EBF1: variants seen among roughly 807,000 people sequenced by gnomAD.
EBF1 encodes the protein transcription factor COE1.
Under a neutral mutation model 68.4 loss-of-function variants are expected in EBF1, and 10 were observed. The observed-to-expected ratio is 0.15, with a 90% CI of 0.09 to 0.25. EBF1 has a LOEUF of 0.25. EBF1 is among the 10% of genes least tolerant of loss of function. EBF1 has a pLI of 1.00. For synonymous variants in EBF1, 298 were observed against 299.8 expected, an observed-to-expected ratio of 0.99 and a Z score of 0.06; for missense variants, 509 against 794.4, an observed-to-expected ratio of 0.64 and a Z score of 4.32.
chr5:158,972,960 G>GCCAACCTAT (rs1394353703), intron 6 of EBF1, among the ~76,000 whole-genome samples: 3 of 152,198 alleles, frequency 2.0e-5, no homozygotes, highest in Admixed American at 6.5e-5. Flanking sequence ...TGGCTCAAAA[G>GCCAACCTAT]CCAACCTATC....
intron 6 of EBF1, among the ~76,000 whole-genome samples, chr5:159,050,813 G>A (rs1352690336): frequency 6.6e-6 from 1 of 152,212 alleles, no homozygotes; most frequent in Non-Finnish European, 1.5e-5. Flanking sequence ...CTCCCGGAGG[G>A]AGTAGTGGGT....
chr5:158,720,639 C>G (rs548306018), intron 11 of EBF1, among the ~76,000 whole-genome samples: 93 of 152,226 alleles, frequency 6.1e-4, no homozygotes, highest in Non-Finnish European at 1.0e-3. Flanking sequence ...TCATTAGAAG[C>G]CTTTAGTGTC....
At chr5:158,771,690 TG>T (rs1220438427) in intron 10 of EBF1, among the ~76,000 whole-genome samples, 4 of 152,100 alleles carry the variant, frequency 2.6e-5, no homozygotes, top group Non-Finnish European at 5.9e-5. Context: ...GAATGATGAA[TG>T]GGATGGTTTT....
intron 14 of EBF1, among the ~76,000 whole-genome samples, chr5:158,710,149 T>A (rs1334169090): frequency 1.3e-5 from 2 of 152,320 alleles, no homozygotes; most frequent in South Asian, 2.1e-4. Context: ...CTGGGCTTTG[T>A]GTTTATTGTT....
intron 15 of EBF1, among the ~76,000 whole-genome samples, chr5:158,700,602 C>T (rs542905172): frequency 5.9e-5 from 9 of 151,778 alleles, no homozygotes; most frequent in South Asian, 2.1e-4. Context: ...AAGACCCCCA[C>T]GTTCCTCCGG....
intron 6 of EBF1, among the ~76,000 whole-genome samples, chr5:158,861,602 G>A (rs1794967429): frequency 6.6e-6 from 1 of 152,186 alleles, no homozygotes; most frequent in South Asian, 2.1e-4. Context: ...TGAGAGAAAT[G>A]TCCGGAATTA....
At chr5:159,045,439 A>AG (rs1554119430) in intron 6 of EBF1, among the ~76,000 whole-genome samples, 3,241 of 88,904 alleles carry the variant, frequency 0.036, 108 homozygotes, top group African/African-American at 0.12. Flanking sequence ...AAGAAGAAGA[A>AG]AAAAAAAAGA....
chr5:158,914,892 G>A (rs964897760), intron 6 of EBF1, among the ~76,000 whole-genome samples: 1 of 152,148 alleles, frequency 6.6e-6, no homozygotes, highest in Non-Finnish European at 1.5e-5. Context: ...CTTAATGGAC[G>A]ACCCTCTCCA....
intron 6 of EBF1, among the ~76,000 whole-genome samples, chr5:158,840,906 C>T (rs1582439793): frequency 6.6e-6 from 1 of 151,496 alleles, no homozygotes. Context: ...CTCCTGACCT[C>T]GTGATCCGCC....
chr5:159,052,016 A>AT (rs397753115), intron 6 of EBF1, among the ~76,000 whole-genome samples: 1 of 123,022 alleles, frequency 8.1e-6, no homozygotes, highest in Non-Finnish European at 1.8e-5. Context: ...ACGCAAAAAA[A>AT]TTATTATTAT....
chr5:158,867,576 G>A (rs555536057), intron 6 of EBF1, among the ~76,000 whole-genome samples: 2 of 152,134 alleles, frequency 1.3e-5, no homozygotes, highest in African/African-American at 4.8e-5. Context: ...GGCAAAGAAG[G>A]CCTGAGATTT....
intron 6 of EBF1, among the ~76,000 whole-genome samples, chr5:158,925,665 G>A (rs905140637): frequency 5.9e-5 from 9 of 152,142 alleles, no homozygotes; most frequent in Non-Finnish European, 8.8e-5. Flanking sequence ...AGAAACCAGG[G>A]CCCCAACATC....
chr5:158,854,045 C>T (rs942230934), intron 6 of EBF1, among the ~76,000 whole-genome samples: 1 of 152,186 alleles, frequency 6.6e-6, no homozygotes, highest in Non-Finnish European at 1.5e-5. Flanking sequence ...TGTTGTCAGA[C>T]CCTCCTATTT....
chr5:159,067,081 G>A (rs954789295), intron 6 of EBF1, among the ~76,000 whole-genome samples: 6 of 152,056 alleles, frequency 3.9e-5, no homozygotes, highest in Non-Finnish European at 5.9e-5. Context: ...AGAGTTAACC[G>A]GGTGCTGGCA....
chr5:158,894,343 G>A (rs964619242), intron 6 of EBF1, among the ~76,000 whole-genome samples: 2 of 150,882 alleles, frequency 1.3e-5, no homozygotes, highest in African/African-American at 4.9e-5. Context: ...TTTTTCTTTG[G>A]TTCTTAAAAA....
At chr5:159,073,305 G>T in intron 6 of EBF1, 91 bp downstream of exon 6, 1 of 1,350,268 alleles carries the variant, frequency 7.4e-7, no homozygotes, top group South Asian at 1.2e-5. Context: ...TCAGCCACAT[G>T]CATTCCTAAC....
chr5:158,899,743 G>A (rs546770542), intron 6 of EBF1, among the ~76,000 whole-genome samples: 8 of 152,206 alleles, frequency 5.3e-5, no homozygotes, highest in South Asian at 2.1e-4. Context: ...TATTTAGACC[G>A]AAGGAAAATG....
At chr5:158,864,288 G>A (rs1795481283) in intron 6 of EBF1, among the ~76,000 whole-genome samples, 1 of 141,018 alleles carries the variant, frequency 7.1e-6, no homozygotes, top group African/African-American at 2.6e-5. Context: ...AGAGAGTACT[G>A]GCTTTTAAAC....
chr5:159,085,338 C>T (rs192290042), intron 4 of EBF1, among the ~76,000 whole-genome samples: 160 of 152,316 alleles, frequency 1.1e-3, no homozygotes, highest in African/African-American at 3.6e-3. Flanking sequence ...CAGGAATACT[C>T]GCTGGCATAT....
Sources: gnomAD v4.1 joint callset for allele counts (sites outside exome capture counted in the v4.1 genomes callset) on GRCh38, gnomAD v4.1.1 for gene constraint, MANE v1.5 for transcripts, NCBI Gene and HGNC (gene_info 2026-07-23, HGNC 2026-07-21) for gene names.